Variants in IPO9 observed in about 807,000 individuals in gnomAD.
The protein encoded by IPO9 is importin 9, also known as importin-9.
IPO9 carries 28 observed loss-of-function variants against 128.6 expected under a neutral mutation model. The observed-to-expected ratio is 0.22, with a 90% CI of 0.16 to 0.30. The LOEUF (loss-of-function observed/expected upper bound fraction) is 0.30. Ranked by LOEUF, IPO9 falls within the 10% of genes least tolerant of loss-of-function variation. The pLI is 1.00. For missense variants in IPO9, 935 were observed against 1,293.9 expected (o/e 0.72, Z 4.26); for synonymous variants, 455 against 475.8 (o/e 0.96, Z 0.57).
intron 1 of IPO9, among the ~76,000 whole-genome samples, chr1:201,846,634 A>C (rs1680128047): frequency 6.6e-6 from 1 of 151,870 alleles, no homozygotes. Flanking sequence ...TGGCCTCCCA[A>C]AGTGCTAGGA....
rs575539093 is a variant in IPO9 at position 201,880,697 on chromosome 1, T to G, written c.*4643T>G. 1.2e-4 allele frequency: 18 copies of G among 152,204 alleles called. No individual in the cohort carries two copies. Among genetic ancestry groups the G allele is most frequent in the Non-Finnish European group, 2.1e-4 (14 of 68,034 alleles). 9.4% of individuals were successfully genotyped at this position (152,204 alleles called of 1,614,324 possible). A position where few individuals can be genotyped will look rare whatever the true frequency, so the allele number is the denominator to read the frequency against. On this transcript the variant is annotated 3_prime_UTR_variant, in exon 24 of 24. Transcript: ENST00000361565. Reference sequence around the variant, plus strand: ...TGCTGGAGGGCTTTGGCCCTTTCCCTCAAGGAGCTAGTCTAGTAGGGGGTC... The same window carrying G: ...TGCTGGAGGGCTTTGGCCCTTTCCCGCAAGGAGCTAGTCTAGTAGGGGGTC...
chr1:201,832,069 T>TTG (rs1679846170), intron 1 of IPO9, among the ~76,000 whole-genome samples: 1 of 150,850 alleles, frequency 6.6e-6, no homozygotes, highest in Non-Finnish European at 1.5e-5. Context: ...GCCTGGCTAA[T>TTG]TTTTGTATTT....
At position 201,869,620 on chromosome 1, in the gene IPO9, C is replaced by T. The variant is rs1395818907; in HGVS notation, c.2035C>T (p.Arg679Ter). The change falls in exon 17 of 24, where the codon CGA (arginine) becomes TGA (stop). Residue 679 changes from arginine to a stop codon, truncating the protein, a stop_gained. Coordinates refer to ENST00000361565, the MANE Select transcript of IPO9 (RefSeq NM_018085.5). LOFTEE classifies it high-confidence loss of function. ...CATTGATATCCTGACAACAGTAGTA[C>T]GAAATACAAAGCCTCCCCTTTCCCA... is the stretch of plus-strand genomic sequence containing the variant. ...TAIDILTTVV[R>*]NTKPPLSQLL... The T allele has an allele frequency of 1.2e-6, 2 of 1,614,000 alleles. No homozygotes were observed. Among genetic ancestry groups the T allele is most frequent in the East Asian group, 2.2e-5 (1 of 44,898 alleles).
chr1:201,855,198 G>T lies in IPO9; in HGVS notation c.970+16G>T. On this transcript the variant is annotated intron_variant, in intron 9 of 23. Transcript: ENST00000361565. ...GATTCTGATGGTATGTAGTTTATTT[G>T]ATCTTTATAGAAATACCAGTTAGTG... The T allele has an allele frequency of 6.5e-7, 1 of 1,529,306 alleles. No individual in the cohort carries two copies. Among genetic ancestry groups the T allele is most frequent in the South Asian group, 1.1e-5 (1 of 87,584 alleles). 94.7% of individuals were successfully genotyped at this position (1,529,306 alleles called of 1,614,324 possible).
At chr1:201,831,883 C>G (rs2494114) in intron 1 of IPO9, among the ~76,000 whole-genome samples, 47,329 of 142,918 alleles carry the variant, frequency 0.33, 7,572 homozygotes, top group African/African-American at 0.35. Flanking sequence ...GTGTTTTTTG[C>G]TTTTGTTGTT....
rs1571555639 is a variant in IPO9 at position 201,870,036 on chromosome 1, G to A, written c.2133+318G>A. Among the ~76,000 whole-genome samples the A allele has an allele frequency of 1.3e-5, 2 of 152,324 alleles. No individual in the cohort carries two copies. The highest frequency in any genetic ancestry group is 6.5e-5 in the Admixed American group (1 of 15,298). On this transcript the variant is annotated intron_variant, in intron 17 of 23. Coordinates refer to ENST00000361565, the MANE Select transcript of IPO9 (RefSeq NM_018085.5). This position sits in a 1 kb window ranked among gnomAD's most constrained non-coding sequence, Gnocchi z 4.9. ...TCTGCATATTTCTTCTAGTAATAAA[G>A]TCAGCAGAGTGATGGGCCTCTAGAG...
At chr1:201,833,499 A>G (rs1679875327) in intron 1 of IPO9, among the ~76,000 whole-genome samples, 2 of 152,106 alleles carry the variant, frequency 1.3e-5, no homozygotes, top group African/African-American at 4.8e-5. Flanking sequence ...TTGCCCTCCC[A>G]AAGTGCTAGG....
rs1372868602 is a variant in IPO9, at chr1:201,870,101, T to A, written c.2133+383T>A. Reference sequence around the variant, plus strand: ...TGAATATTTTTTCTCTTTTTGTTTCTTGGGTGAATTGGTTACCTTTTCAGG... The same window carrying A: ...TGAATATTTTTTCTCTTTTTGTTTCATGGGTGAATTGGTTACCTTTTCAGG... On this transcript the variant is annotated intron_variant, in intron 17 of 23. Transcript: ENST00000361565. This position sits in a 1 kb window ranked among gnomAD's most constrained non-coding sequence, Gnocchi z 4.9. Among the ~76,000 whole-genome samples, 1 of 152,210 alleles carries A rather than the reference T, an allele frequency of 6.6e-6. No individual in the cohort carries two copies. Among genetic ancestry groups the A allele is most frequent in the African/African-American group, 2.4e-5 (1 of 41,446 alleles).
chr1:201,829,695 G>T, intron 1 of IPO9: 1 of 232,396 alleles, frequency 4.3e-6, no homozygotes, highest in Non-Finnish European at 8.3e-6. Flanking sequence ...AGCGCGGTCG[G>T]GGAAATATTT....
At chr1:201,833,458 C>T (rs145968853) in intron 1 of IPO9, among the ~76,000 whole-genome samples, 12,424 of 152,070 alleles carry the variant, frequency 0.082, 613 homozygotes, top group Admixed American at 0.13. Flanking sequence ...AGGCTGGTCT[C>T]GAACTCCTGA....
intron 12 of IPO9, 30 bp from the exon 13 acceptor site, chr1:201,858,825 G>A (rs1249208751): frequency 7.6e-6 from 12 of 1,574,650 alleles, no homozygotes; most frequent in Non-Finnish European, 1.0e-5. Context: ...AGTTTAGTAT[G>A]TTTTACTAGG....
intron 16 of IPO9, 85 bp from the exon 17 acceptor site, chr1:201,869,505 A>G (rs1680611354): frequency 5.3e-6 from 8 of 1,516,760 alleles, no homozygotes; most frequent in Non-Finnish European, 6.3e-6. Context: ...GTTGCTATGT[A>G]ATACCCATCC....
chr1:201,850,133 G>A (rs980014292), intron 4 of IPO9, among the ~76,000 whole-genome samples: 2 of 152,200 alleles, frequency 1.3e-5, no homozygotes, highest in Non-Finnish European at 2.9e-5. Context: ...GGAAATTACT[G>A]TTCAGTGAGA....
chr1:201,875,110 G>A, intron 22 of IPO9, 42 bp from the exon 23 acceptor site: 1 of 1,566,182 alleles, frequency 6.4e-7, no homozygotes, highest in South Asian at 1.1e-5. Flanking sequence ...CCTGATCATG[G>A]GCCTTTGTCC....
rs1409237181 is a variant in IPO9 at position 201,829,484 on chromosome 1, G to A, written c.163+112G>A. 4 of 1,100,240 alleles carry A rather than the reference G, an allele frequency of 3.6e-6. No individual in the cohort carries two copies. In the African/African-American group the frequency reaches 6.7e-5, roughly 18 times the overall value. The allele number at this position is 1,100,240 out of a possible 1,614,324, so 68.2% of individuals were successfully genotyped here. Reference sequence around the variant, plus strand: ...TGAGCCAGTTGGAGATGTGGGCGCCGAGAAGTGGAGCAGGAAGCGAGAGAT... The same window carrying A: ...TGAGCCAGTTGGAGATGTGGGCGCCAAGAAGTGGAGCAGGAAGCGAGAGAT... On this transcript the variant is annotated intron_variant, in intron 1 of 23. Coordinates refer to ENST00000361565, the MANE Select transcript of IPO9 (RefSeq NM_018085.5).
chr1:201,865,199 CTTTTTTTTTT>C (rs201084995), intron 14 of IPO9, among the ~76,000 whole-genome samples: 1 of 132,852 alleles, frequency 7.5e-6, no homozygotes, highest in African/African-American at 2.8e-5. Context: ...AACTATTTTT[CTTTTTTTTTT>C]TTTTTTTTCT....
Position 201,882,834 on chromosome 1 carries a change from G to A in IPO9, c.*6780G>A, listed in dbSNP as rs988950902. Reference sequence around the variant, plus strand: ...TACCTACCTCACAGGATTGTAGTTAGAATTAAGGATGACTTCATTAAAGCA... The same window carrying A: ...TACCTACCTCACAGGATTGTAGTTAAAATTAAGGATGACTTCATTAAAGCA... On this transcript the variant is annotated 3_prime_UTR_variant, in exon 24 of 24. Coordinates refer to ENST00000361565, the MANE Select transcript of IPO9 (RefSeq NM_018085.5). 2 of 152,640 alleles carry A rather than the reference G, an allele frequency of 1.3e-5. No individual in the cohort carries two copies. Among genetic ancestry groups the A allele is most frequent in the African/African-American group, 4.8e-5 (2 of 41,440 alleles). The allele number at this position is 152,640 out of a possible 1,614,324, so 9.5% of individuals were successfully genotyped here.
At position 201,853,887 on chromosome 1, in the gene IPO9, C is replaced by T. The variant is rs371355041; in HGVS notation, c.691-708C>T. Reference sequence around the variant, plus strand: ...CCGAGTAGCTGGGACTACAGGCACGCGCCATCATGCCCAGCTAATTTTTGT... The same window carrying T: ...CCGAGTAGCTGGGACTACAGGCACGTGCCATCATGCCCAGCTAATTTTTGT... On this transcript the variant is annotated intron_variant, in intron 6 of 23. Transcript: ENST00000361565. Among the ~76,000 whole-genome samples the T allele has an allele frequency of 1.3e-4, 20 of 152,304 alleles. No homozygotes were observed. In the East Asian group the frequency reaches 2.7e-3, roughly 21 times the overall value.
chr1:201,851,160 C>CA (rs1680208687), intron 4 of IPO9, among the ~76,000 whole-genome samples: 1 of 149,562 alleles, frequency 6.7e-6, no homozygotes, highest in South Asian at 2.1e-4. Flanking sequence ...GGACTGCAGA[C>CA]ACATGCCACC....
Sources: allele counts gnomAD v4.1 joint callset (sites outside exome capture counted in the v4.1 genomes callset), GRCh38; gene constraint gnomAD v4.1.1; non-coding constraint Gnocchi (gnomAD v3.1); transcripts MANE v1.5; gene names NCBI Gene and HGNC (gene_info 2026-07-23, HGNC 2026-07-21).